NELL1: variants seen among roughly 807,000 people sequenced by gnomAD.
NELL1 encodes neural EGFL like 1, also known as protein kinase C-binding protein NELL1.
In NELL1, 76 loss-of-function variants were observed where a neutral mutation model predicts 107.4. That is an observed-to-expected ratio of 0.71 (90% CI 0.59 to 0.86). The LOEUF is 0.86. Ranked by LOEUF, NELL1 falls within the 40% of genes least tolerant of loss-of-function variation. The pLI, the probability that NELL1 is intolerant of heterozygous loss-of-function variation, is 0.00. For synonymous variants in NELL1, 353 were observed against 341.2 expected, an observed-to-expected ratio of 1.03 and a Z score of -0.38; for missense variants, 1,024 against 1,005.5, an observed-to-expected ratio of 1.02 and a Z score of -0.25.
chr11:21,358,499 A>C (rs973799186), intron 14 of NELL1, among the ~76,000 whole-genome samples: 6 of 151,236 alleles, frequency 4.0e-5, no homozygotes, highest in African/African-American at 1.5e-4. Context: ...CCCAGGTTCA[A>C]GCGATTCTCC....
intron 15 of NELL1, among the ~76,000 whole-genome samples, chr11:21,522,834 C>CTT (rs66707466): frequency 0.048 from 3,308 of 68,406 alleles, 524 homozygotes; most frequent in Middle Eastern, 0.12. Context: ...TTTTTCTTTT[C>CTT]TTTTTTTTTT....
chr11:21,141,690 C>T (rs770094577), intron 13 of NELL1, among the ~76,000 whole-genome samples: 5 of 152,092 alleles, frequency 3.3e-5, no homozygotes, highest in Admixed American at 6.6e-5. Context: ...CACTTAGGAA[C>T]GCAGAGAACA....
At position 21,005,612 on chromosome 11, in the gene NELL1, A is replaced by G. The variant is rs1590529585; in HGVS notation, c.1300+45052A>G. ...TCTCTTGTTGATAAAGACTGTGTTC[A>G]TGAGCATTGGCATTAACAACACAGT... On this transcript the variant is annotated intron_variant, in intron 12 of 19. Coordinates refer to ENST00000357134, the MANE Select transcript of NELL1 (RefSeq NM_006157.5). Among the ~76,000 whole-genome samples, 2 of 152,184 alleles carry G rather than the reference A, an allele frequency of 1.3e-5. 1 individual carries two copies. Among genetic ancestry groups the G allele is most frequent in the East Asian group, 3.9e-4 (2 of 5,186 alleles).
intron 12 of NELL1, among the ~76,000 whole-genome samples, chr11:21,022,247 G>A (rs1388735203): frequency 1.3e-5 from 2 of 152,024 alleles, no homozygotes; most frequent in African/African-American, 4.8e-5. Context: ...ACCTTTAAAG[G>A]ACCATAGGTA....
chr11:20,897,998 G>T (rs566243634), intron 5 of NELL1, among the ~76,000 whole-genome samples: 1 of 152,330 alleles, frequency 6.6e-6, no homozygotes, highest in East Asian at 1.9e-4. Context: ...CAGCCATTGT[G>T]AAAGTCAGTG....
chr11:21,465,692 A>G (rs988565330), intron 15 of NELL1, among the ~76,000 whole-genome samples: 4 of 152,038 alleles, frequency 2.6e-5, no homozygotes, highest in African/African-American at 9.7e-5. Context: ...ACCAAGGAGG[A>G]TGTAGTGGAT....
chr11:20,992,474 TA>T (rs1464989542), intron 12 of NELL1, among the ~76,000 whole-genome samples: 1 of 152,132 alleles, frequency 6.6e-6, no homozygotes, highest in African/African-American at 2.4e-5. Flanking sequence ...TTTTGTAGAT[TA>T]GGAAAGGAGA....
At chr11:20,699,653 T>C (rs10766713) in intron 2 of NELL1, among the ~76,000 whole-genome samples, 98,825 of 152,106 alleles carry the variant, frequency 0.65, 32,371 homozygotes, top group Admixed American at 0.68. Context: ...CCACTGTGCC[T>C]GGCCACACAT....
At chr11:21,051,030 G>C (rs561840166) in intron 12 of NELL1, among the ~76,000 whole-genome samples, 7 of 152,156 alleles carry the variant, frequency 4.6e-5, no homozygotes, top group African/African-American at 1.7e-4. Context: ...CTCGAAACCC[G>C]GTGGTTGTCT....
Position 20,900,568 on chromosome 11 carries a change from A to G in NELL1, c.603+15028A>G, listed in dbSNP as rs186491919. Among the ~76,000 whole-genome samples, 8 of 152,034 alleles carry G rather than the reference A, an allele frequency of 5.3e-5. No individual in the cohort carries two copies. In the East Asian group the frequency reaches 1.5e-3, roughly 29 times the overall value. On this transcript the variant is annotated intron_variant, in intron 5 of 19. Coordinates refer to ENST00000357134, the MANE Select transcript of NELL1 (RefSeq NM_006157.5). ...AGGAAATAATTCCAATCTTAAATAA[A>G]CTCTTCCAGAGAGGAGAATAAATGA...
At chr11:20,732,061 C>T (rs1287926027) in intron 2 of NELL1, among the ~76,000 whole-genome samples, 1 of 152,140 alleles carries the variant, frequency 6.6e-6, no homozygotes, top group Non-Finnish European at 1.5e-5. Context: ...TAGGACTTGC[C>T]TAGCTTTCTG....
At chr11:21,394,442 A>G (rs559986511) in intron 15 of NELL1, among the ~76,000 whole-genome samples, 2 of 151,550 alleles carry the variant, frequency 1.3e-5, no homozygotes, top group Non-Finnish European at 3.0e-5. Context: ...ATATGTGTGT[A>G]TATATATGGC....
At chr11:21,356,017 T>C (rs1850925207) in intron 14 of NELL1, among the ~76,000 whole-genome samples, 1 of 152,104 alleles carries the variant, frequency 6.6e-6, no homozygotes, top group African/African-American at 2.4e-5. Context: ...TCAAATGATC[T>C]CTTTTCAGTG....
intron 13 of NELL1, among the ~76,000 whole-genome samples, chr11:21,164,863 C>G (rs998205504): frequency 6.6e-6 from 1 of 152,072 alleles, no homozygotes; most frequent in African/African-American, 2.4e-5. Flanking sequence ...ATTTAATTGC[C>G]TGCTTTTTCT....
intron 12 of NELL1, among the ~76,000 whole-genome samples, chr11:21,103,850 G>A (rs1045808723): frequency 1.3e-5 from 2 of 152,106 alleles, no homozygotes; most frequent in African/African-American, 2.4e-5. Flanking sequence ...CTCTTTCAAC[G>A]GAATTAGCCT....
At chr11:20,744,553 C>A (rs1855962478) in intron 2 of NELL1, among the ~76,000 whole-genome samples, 1 of 152,310 alleles carries the variant, frequency 6.6e-6, no homozygotes, top group Middle Eastern at 3.4e-3. Flanking sequence ...TTGGGCTTGG[C>A]TCTTTATAGT....
intron 13 of NELL1, among the ~76,000 whole-genome samples, chr11:21,145,737 C>T (rs1171170285): frequency 6.6e-6 from 1 of 152,132 alleles, no homozygotes; most frequent in African/African-American, 2.4e-5. Flanking sequence ...TGAAACCTGC[C>T]CTCTGTTAAC....
At chr11:21,170,045 A>G in intron 13 of NELL1, 1 of 1,162,508 alleles carries the variant, frequency 8.6e-7, no homozygotes, top group East Asian at 2.3e-5. Context: ...CACAGACCAC[A>G]TCCCTGAGCC....
chr11:20,671,876 G>A (rs1853921379), intron 1 of NELL1, among the ~76,000 whole-genome samples: 1 of 152,194 alleles, frequency 6.6e-6, no homozygotes. Flanking sequence ...AGGGATTTGA[G>A]AGATGTACCT....
Sources: allele counts gnomAD v4.1 joint callset (sites outside exome capture counted in the v4.1 genomes callset), GRCh38; gene constraint gnomAD v4.1.1; transcripts MANE v1.5; gene names NCBI Gene and HGNC (gene_info 2026-07-23, HGNC 2026-07-21).